The following FGF1 variants were observed in gnomAD, a reference collection of about 807,000 sequenced individuals.
FGF1 encodes the protein beta-endothelial cell growth factor.
Under a neutral mutation model 13.4 loss-of-function variants are expected in FGF1, and 9 were observed. The ratio of observed to expected loss-of-function variants is 0.67; its 90% CI spans 0.40 to 1.17. The LOEUF (loss-of-function observed/expected upper bound fraction) is 1.17. FGF1 is among the 50% of genes most tolerant of loss of function. The pLI is 0.01. For synonymous variants in FGF1, 93 were observed against 79.0 expected, an observed-to-expected ratio of 1.18 and a Z score of -0.94; for missense variants, 156 against 192.7, an observed-to-expected ratio of 0.81 and a Z score of 1.13.
intron 2 of FGF1, among the ~76,000 whole-genome samples, chr5:142,611,069 C>G (rs1402186079): frequency 1.3e-5 from 2 of 152,202 alleles, no homozygotes; most frequent in Non-Finnish European, 2.9e-5. Flanking sequence ...ACGTGTGACT[C>G]TGTCACTTCA....
At chr5:142,618,923 TGTTTTG>T (rs200850702) in intron 1 of FGF1, among the ~76,000 whole-genome samples, 13,470 of 107,998 alleles carry the variant, frequency 0.12, 1,337 homozygotes, top group East Asian at 0.28. Flanking sequence ...ATTTTTTAGT[TGTTTTG>T]TTTTTTTTTT....
intron 1 of FGF1, among the ~76,000 whole-genome samples, chr5:142,643,079 A>AT (rs1765442827): frequency 6.6e-6 from 1 of 152,222 alleles, no homozygotes; most frequent in Non-Finnish European, 1.5e-5. Context: ...CATACACTAT[A>AT]TCCAACGCAC....
At chr5:142,598,092 A>G (rs1165000549) in intron 3 of FGF1, among the ~76,000 whole-genome samples, 3 of 152,204 alleles carry the variant, frequency 2.0e-5, no homozygotes, top group Admixed American at 6.5e-5. Context: ...TGGTGCAGAC[A>G]TTCGTGTTTG....
Position 142,676,989 on chromosome 5 carries a change from C to T in FGF1, c.-35+8968G>A, listed in dbSNP as rs17287413. 6.6e-5 allele frequency among the ~76,000 whole-genome samples: 10 copies of T among 152,134 alleles called. No individual in the cohort carries two copies. The East Asian group carries it at 9.7e-4, about 15-fold the overall frequency. On this transcript the variant is annotated intron_variant, in intron 1 of 3. Coordinates refer to ENST00000337706, the MANE Select transcript of FGF1 (RefSeq NM_000800.5). Reference sequence around the variant, plus strand: ...TTTTACTCCTATAACTTAAATACCACCTTATCACCAAAGGCAATGCAGCCA... The same window carrying T: ...TTTTACTCCTATAACTTAAATACCATCTTATCACCAAAGGCAATGCAGCCA...
chr5:142,636,659 A>ATGTAAAG (rs1561627168), intron 1 of FGF1, among the ~76,000 whole-genome samples: 1 of 152,204 alleles, frequency 6.6e-6, no homozygotes, highest in African/African-American at 2.4e-5. Flanking sequence ...GCCAGGTAAT[A>ATGTAAAG]AGCAATCTAT....
intron 1 of FGF1, among the ~76,000 whole-genome samples, chr5:142,628,293 G>A (rs1358554098): frequency 1.3e-5 from 2 of 152,132 alleles, no homozygotes; most frequent in Middle Eastern, 3.2e-3. Context: ...GGCAGATCAC[G>A]AGGTTGGGAG....
intron 2 of FGF1, among the ~76,000 whole-genome samples, chr5:142,604,197 C>G (rs1297906901): frequency 6.6e-6 from 1 of 152,102 alleles, no homozygotes; most frequent in African/African-American, 2.4e-5. Flanking sequence ...TTGCACAACT[C>G]TGTTAAGTTG....
intron 2 of FGF1, among the ~76,000 whole-genome samples, chr5:142,601,954 G>A (rs561787806): frequency 6.6e-6 from 1 of 152,246 alleles, no homozygotes; most frequent in East Asian, 1.9e-4. Flanking sequence ...TAGACTCTTC[G>A]GGATAATTTA....
At chr5:142,677,414 T>A (rs1341243860) in intron 1 of FGF1, among the ~76,000 whole-genome samples, 1 of 152,140 alleles carries the variant, frequency 6.6e-6, no homozygotes, top group Non-Finnish European at 1.5e-5. Flanking sequence ...CCAAAAGAAG[T>A]TATTCATCTC....
intron 1 of FGF1, among the ~76,000 whole-genome samples, chr5:142,665,817 C>T (rs1770198853): frequency 6.6e-6 from 1 of 152,180 alleles, no homozygotes; most frequent in African/African-American, 2.4e-5. Flanking sequence ...AACCAATAAG[C>T]TTTTCCTTTG....
chr5:142,597,514 C>T lies in FGF1; in HGVS notation c.274-2030G>A, dbSNP rs141958833. Among the ~76,000 whole-genome samples the T allele has an allele frequency of 1.5e-4, 23 of 152,236 alleles. No homozygotes were observed. The East Asian group carries it at 3.9e-3, about 26-fold the overall frequency. On this transcript the variant is annotated intron_variant, in intron 3 of 3. Transcript: ENST00000337706. The stretch of plus-strand genomic sequence containing the variant: ...ACTATTTTGCTTACTTGTAGTCAAT[C>T]TGTTGGTGGAAGGGGAACTCAGTTT...
intron 1 of FGF1, among the ~76,000 whole-genome samples, chr5:142,635,640 G>A (rs899441305): frequency 1.3e-5 from 2 of 152,184 alleles, no homozygotes; most frequent in Admixed American, 6.5e-5. Flanking sequence ...GACATACCAT[G>A]GCACTCCCAC....
At chr5:142,694,049 A>T (rs915120592) in intron 2 of FGF1, among the ~76,000 whole-genome samples, 1 of 151,066 alleles carries the variant, frequency 6.6e-6, no homozygotes, top group African/African-American at 2.4e-5. Context: ...TCTCTTAAAG[A>T]TTTACCCGAA....
intron 1 of FGF1, among the ~76,000 whole-genome samples, chr5:142,640,635 A>T (rs560973993): frequency 6.6e-6 from 1 of 152,172 alleles, no homozygotes; most frequent in African/African-American, 2.4e-5. Flanking sequence ...GACTCGAAAT[A>T]ATCCACCAAT....
chr5:142,602,882 C>T (rs1756888912), intron 2 of FGF1, among the ~76,000 whole-genome samples: 1 of 152,092 alleles, frequency 6.6e-6, no homozygotes, highest in Non-Finnish European at 1.5e-5. Flanking sequence ...TTCTCTTTGC[C>T]TTCCTTATCT....
intron 1 of FGF1, among the ~76,000 whole-genome samples, chr5:142,632,887 A>T (rs1763581729): frequency 6.6e-6 from 1 of 151,676 alleles, no homozygotes; most frequent in African/African-American, 2.4e-5. Context: ...AACTGTGTCA[A>T]CTAACCTTTT....
At chr5:142,674,049 C>T (rs1276691942) in intron 1 of FGF1, among the ~76,000 whole-genome samples, 15 of 152,222 alleles carry the variant, frequency 9.9e-5, no homozygotes, top group Admixed American at 7.9e-4. Flanking sequence ...CCCTGAGGAA[C>T]AGTCCTCACC....
At chr5:142,641,944 G>A (rs563738665) in intron 1 of FGF1, among the ~76,000 whole-genome samples, 1 of 152,336 alleles carries the variant, frequency 6.6e-6, no homozygotes, top group East Asian at 1.9e-4. Flanking sequence ...AATGGAATAT[G>A]TAAAGAGAAT....
intron 1 of FGF1, among the ~76,000 whole-genome samples, chr5:142,683,650 C>G (rs924429748): frequency 6.6e-6 from 1 of 151,644 alleles, no homozygotes; most frequent in Non-Finnish European, 1.5e-5. Flanking sequence ...GGAGAAACCC[C>G]GTCTCTAATA....
Sources: gnomAD v4.1 joint callset for allele counts (sites outside exome capture counted in the v4.1 genomes callset) on GRCh38, gnomAD v4.1.1 for gene constraint, MANE v1.5 for transcripts, NCBI Gene and HGNC (gene_info 2026-07-23, HGNC 2026-07-21) for gene names.